The following ERICH1 variants were observed in gnomAD, a reference collection of about 807,000 sequenced individuals.
ERICH1 encodes glutamate-rich protein 1.
ERICH1 carries 56 observed loss-of-function variants against 39.6 expected under a neutral mutation model. The observed-to-expected ratio is 1.41, with a 90% confidence interval of 1.14 to 1.77. The LOEUF is 1.77. ERICH1 is among the 40% of genes most tolerant of loss of function. The probability of loss-of-function intolerance (pLI) is 0.00; values close to 1 mark genes in which losing one functional copy is unlikely to be tolerated. For missense variants in ERICH1, 826 were observed against 575.4 expected (o/e 1.44, Z -4.45); for synonymous variants, 313 against 223.6 (o/e 1.40, Z -3.57).
chr8:624,034 A>AT (rs1176559360), intron 3 of ERICH1, among the ~76,000 whole-genome samples: 1 of 152,228 alleles, frequency 6.6e-6, no homozygotes, highest in Non-Finnish European at 1.5e-5. Context: ...AAATAAATAA[A>AT]TAACTTTTAC....
chr8:625,204 T>A (rs1007918037), intron 3 of ERICH1, among the ~76,000 whole-genome samples: 6 of 152,058 alleles, frequency 3.9e-5, no homozygotes, highest in Non-Finnish European at 8.8e-5. Flanking sequence ...TCATTCACAA[T>A]CACCCAAAAG....
Position 674,802 on chromosome 8 carries a change from G to C in ERICH1, c.305-755C>G, listed in dbSNP as rs548685892. ...GCATCAGGTTGCGTTTTGACACGAAGCTAAGCTGGACTCCAGGTTGGCAGA... is the reference window on the plus strand; with the variant it reads ...GCATCAGGTTGCGTTTTGACACGAACCTAAGCTGGACTCCAGGTTGGCAGA... On this transcript the variant is annotated intron_variant, in intron 3 of 5. Transcript: ENST00000262109. Among the ~76,000 whole-genome samples the C allele has an allele frequency of 9.8e-5, 15 of 152,354 alleles. No homozygotes were observed. In the South Asian group the frequency reaches 3.1e-3, roughly 32 times the overall value.
chr8:727,827 C>T (rs148150731), intron 1 of ERICH1, among the ~76,000 whole-genome samples: 34 of 152,326 alleles, frequency 2.2e-4, no homozygotes, highest in African/African-American at 7.5e-4. Context: ...TGATGGGAAA[C>T]TGCAGGACAA....
rs184037995 is a variant in ERICH1, at chr8:647,024, G to T, written c.976+21574C>A. The stretch of plus-strand genomic sequence containing the variant: ...CTCATTTAATCCTTCTCAAAATCCC[G>T]TGAGGGTGAGCATCATCCCAGTGTT... On this transcript the variant is annotated intron_variant, in intron 3 of 3. Transcript: ENST00000522706. Among the ~76,000 whole-genome samples the T allele has an allele frequency of 2.9e-4, 20 of 69,762 alleles. 3 individuals are homozygous for T. Among genetic ancestry groups the T allele is most frequent in the Middle Eastern group, 7.8e-3 (1 of 128 alleles). 45.8% of individuals were successfully genotyped at this position (69,762 alleles called of 152,430 possible).
intron 2 of ERICH1, among the ~76,000 whole-genome samples, chr8:694,154 C>T (rs1692560957): frequency 2.0e-5 from 3 of 152,152 alleles, no homozygotes; most frequent in African/African-American, 7.2e-5. Context: ...GCTGTAAAAA[C>T]CTTGAAGCCT....
chr8:694,977 C>G (rs1809804728), intron 2 of ERICH1, among the ~76,000 whole-genome samples: 1 of 152,142 alleles, frequency 6.6e-6, no homozygotes. Context: ...ACCCACCTCC[C>G]TGCTGGACAA....
chr8:625,179 C>T (rs1355633890), intron 3 of ERICH1, among the ~76,000 whole-genome samples: 4 of 152,150 alleles, frequency 2.6e-5, no homozygotes, highest in African/African-American at 4.8e-5. Context: ...GACACGAATC[C>T]GAACCATATC....
intron 1 of ERICH1, among the ~76,000 whole-genome samples, chr8:721,759 C>T (rs989887789): frequency 5.9e-5 from 9 of 152,158 alleles, no homozygotes; most frequent in African/African-American, 9.7e-5. Flanking sequence ...AGAACATAAA[C>T]GAAAGGTTTT....
At chr8:687,306 C>T (rs768613371) in intron 3 of ERICH1, among the ~76,000 whole-genome samples, 2 of 152,216 alleles carry the variant, frequency 1.3e-5, no homozygotes, top group Non-Finnish European at 2.9e-5. Flanking sequence ...ACTTGCCTTA[C>T]GGGCTGTTTT....
At position 652,310 on chromosome 8, in the gene ERICH1, C is replaced by T. The variant is rs1295598634; in HGVS notation, c.976+16288G>A. Among the ~76,000 whole-genome samples, 6 of 152,328 alleles carry T rather than the reference C, an allele frequency of 3.9e-5. No homozygotes were observed. In the East Asian group the frequency reaches 9.6e-4, roughly 24 times the overall value. On this transcript the variant is annotated intron_variant, in intron 3 of 3. Coordinates refer to the ERICH1 transcript ENST00000522706. ...CAAGAGCAAGACTGGGGCCTGGCCC[C>T]GTCAGAGTCACCACCTTTAGGGAAG...
At chr8:615,957 A>G (rs1415007469) in intron 3 of ERICH1, 1 of 152,618 alleles carries the variant, frequency 6.6e-6, no homozygotes, top group Non-Finnish European at 1.5e-5. Flanking sequence ...CTAAGTTACA[A>G]TTTTCCAGAT....
At chr8:710,024 T>C (rs1814325918) in intron 2 of ERICH1, among the ~76,000 whole-genome samples, 1 of 152,200 alleles carries the variant, frequency 6.6e-6, no homozygotes, top group Non-Finnish European at 1.5e-5. Context: ...CAGGAAATGT[T>C]AGGGATGGCC....
chr8:701,154 A>G (rs1398784283), intron 2 of ERICH1, among the ~76,000 whole-genome samples: 6 of 152,272 alleles, frequency 3.9e-5, no homozygotes, highest in African/African-American at 9.6e-5. Context: ...CTGGAGAAGA[A>G]CCAGGTGGAC....
At chr8:700,053 A>G (rs536205708) in intron 2 of ERICH1, among the ~76,000 whole-genome samples, 1 of 139,412 alleles carries the variant, frequency 7.2e-6, no homozygotes, top group South Asian at 2.3e-4. Flanking sequence ...AGGCCCGCAC[A>G]CGCGCACAGG....
intron 3 of ERICH1, among the ~76,000 whole-genome samples, chr8:628,192 T>C (rs980142280): frequency 2.0e-5 from 3 of 152,298 alleles, no homozygotes; most frequent in Admixed American, 2.0e-4. Flanking sequence ...GTGTGGAAAT[T>C]ACGAAACTAC....
chr8:650,008 C>T (rs1291146180), intron 3 of ERICH1, among the ~76,000 whole-genome samples: 3 of 152,230 alleles, frequency 2.0e-5, no homozygotes, highest in African/African-American at 7.2e-5. Context: ...CCCCGGACCG[C>T]GCCCGGCGAG....
At chr8:676,503 T>TGAGGACAGAGACGCGGCGGCCCCTCGGC (rs1804832491) in intron 3 of ERICH1, among the ~76,000 whole-genome samples, 2 of 123,920 alleles carry the variant, frequency 1.6e-5, no homozygotes, top group Non-Finnish European at 3.5e-5. Flanking sequence ...CGGCCCCTCG[T>TGAGGACAGAGACGCGGCGGCCCCTCGGC]GAGGACAGAG....
chr8:699,920 C>T (rs1225927935), intron 2 of ERICH1, among the ~76,000 whole-genome samples: 77 of 138,818 alleles, frequency 5.5e-4, no homozygotes, highest in Admixed American at 6.5e-4. Context: ...GGCGCACAGG[C>T]CCGCACAGGC....
In ERICH1 at chr8:648,751, G is replaced by T. The variant is rs962328678; in HGVS notation, c.976+19847C>A. 1.9e-4 allele frequency among the ~76,000 whole-genome samples: 13 copies of T among 69,008 alleles called. 5 individuals are homozygous for T. The highest frequency in any genetic ancestry group is 4.7e-4 in the African/African-American group (13 of 27,420). 45.3% of individuals were successfully genotyped at this position (69,008 alleles called of 152,430 possible). On this transcript the variant is annotated intron_variant, in intron 3 of 3. Transcript: ENST00000522706. ...AAAACATTGGAAAGAAAGCTCCTTT[G>T]CAAGTGATTGAAAAAGTTATTTTGT...
Sources: gnomAD v4.1 joint callset for allele counts (sites outside exome capture counted in the v4.1 genomes callset) on GRCh38, gnomAD v4.1.1 for gene constraint, MANE v1.5 for transcripts, NCBI Gene and HGNC (gene_info 2026-07-23, HGNC 2026-07-21) for gene names.